Variants in ARHGAP15 observed in about 807,000 individuals in gnomAD.
The protein encoded by ARHGAP15 is Rho GTPase activating protein 15.
Under a neutral mutation model 63.7 loss-of-function variants are expected in ARHGAP15, and 51 were observed. The observed-to-expected ratio is 0.80, with a 90% confidence interval of 0.64 to 1.01. The LOEUF (loss-of-function observed/expected upper bound fraction) is 1.01, where lower values mean the gene tolerates loss of function less well. Among genes scored for constraint, ARHGAP15 ranks in the 50% least tolerant of loss-of-function variants. The probability of loss-of-function intolerance (pLI) is 0.00; values close to 1 mark genes in which losing one functional copy is unlikely to be tolerated. For missense variants in ARHGAP15, 560 were observed against 564.6 expected, an observed-to-expected ratio of 0.99 and a Z score of 0.08; for synonymous variants, 191 against 193.8, an observed-to-expected ratio of 0.99 and a Z score of 0.12.
intron 9 of ARHGAP15, among the ~76,000 whole-genome samples, chr2:143,507,792 A>AC (rs2104949763): frequency 6.6e-6 from 1 of 152,204 alleles, no homozygotes; most frequent in African/African-American, 2.4e-5. Flanking sequence ...ACCTGGGATC[A>AC]CCCCCGCTTT....
chr2:143,479,957 G>T (rs752214843), intron 8 of ARHGAP15, among the ~76,000 whole-genome samples: 12 of 151,974 alleles, frequency 7.9e-5, no homozygotes, highest in Non-Finnish European at 1.2e-4. Context: ...CATTGTGATG[G>T]TATACTTAAT....
intron 12 of ARHGAP15, among the ~76,000 whole-genome samples, chr2:143,670,217 C>A (rs1201921925): frequency 6.6e-6 from 1 of 152,152 alleles, no homozygotes; most frequent in Non-Finnish European, 1.5e-5. Context: ...ATTTCAGCCA[C>A]CTTTATTTAT....
chr2:143,419,543 A>G (rs1688826163), intron 6 of ARHGAP15, among the ~76,000 whole-genome samples: 1 of 152,238 alleles, frequency 6.6e-6, no homozygotes, highest in East Asian at 1.9e-4. Context: ...GTCATTAAAC[A>G]GATGCTTTCA....
At chr2:143,510,490 C>T (rs1196590801) in intron 9 of ARHGAP15, among the ~76,000 whole-genome samples, 1 of 152,234 alleles carries the variant, frequency 6.6e-6, no homozygotes, top group East Asian at 1.9e-4. Flanking sequence ...AGTTAGAAGA[C>T]AGTCGCTTTT....
intron 12 of ARHGAP15, among the ~76,000 whole-genome samples, chr2:143,667,291 A>G (rs1242229004): frequency 1.3e-5 from 2 of 149,806 alleles, no homozygotes; most frequent in East Asian, 3.9e-4. Flanking sequence ...GAAATTGGAA[A>G]TCATCATTCT....
At chr2:143,357,706 TTAA>T (rs1402016785) in intron 6 of ARHGAP15, among the ~76,000 whole-genome samples, 4 of 152,194 alleles carry the variant, frequency 2.6e-5, no homozygotes, top group African/African-American at 9.6e-5. Context: ...ATAGTAAAAA[TTAA>T]TAATAGATTA....
intron 6 of ARHGAP15, among the ~76,000 whole-genome samples, chr2:143,407,675 T>C (rs982439993): frequency 6.6e-6 from 1 of 151,738 alleles, no homozygotes; most frequent in African/African-American, 2.4e-5. Flanking sequence ...CTCTTCAAAA[T>C]CTTTGATTTC....
Position 143,139,467 on chromosome 2 carries a change from C to T in ARHGAP15, c.-15+10001C>T, listed in dbSNP as rs368609225. The stretch of plus-strand genomic sequence containing the variant: ...TTTTATATTGCTATTTCTCTTGCCT[C>T]TTTATTTTGCTTCTTATAAATGTAT... On this transcript the variant is annotated intron_variant, in intron 1 of 13. Transcript: ENST00000295095. 6.6e-5 allele frequency among the ~76,000 whole-genome samples: 10 copies of T among 152,116 alleles called. No individual in the cohort carries two copies. The East Asian group carries it at 1.4e-3, about 21-fold the overall frequency.
chr2:143,499,831 T>C (rs1692974684), intron 9 of ARHGAP15, among the ~76,000 whole-genome samples: 1 of 152,178 alleles, frequency 6.6e-6, no homozygotes, highest in Non-Finnish European at 1.5e-5. Context: ...CTTTGCTTTC[T>C]TATTCTCCTA....
chr2:143,617,826 T>C (rs1698505109), intron 11 of ARHGAP15, among the ~76,000 whole-genome samples: 1 of 152,224 alleles, frequency 6.6e-6, no homozygotes, highest in Non-Finnish European at 1.5e-5. Flanking sequence ...TATATTCACT[T>C]TCTGAGCACC....
chr2:143,430,493 C>T (rs1057374965), intron 6 of ARHGAP15, among the ~76,000 whole-genome samples: 1 of 151,942 alleles, frequency 6.6e-6, no homozygotes, highest in African/African-American at 2.4e-5. Context: ...ACCATGACAA[C>T]CTTCATTTGA....
At chr2:143,643,291 C>A (rs78141710) in intron 12 of ARHGAP15, among the ~76,000 whole-genome samples, 16,009 of 151,992 alleles carry the variant, frequency 0.11, 1,294 homozygotes, top group East Asian at 0.38. Context: ...GACCTGAGTC[C>A]TCTGGGACCC....
At chr2:143,537,009 A>G (rs904831306) in intron 10 of ARHGAP15, among the ~76,000 whole-genome samples, 11 of 151,966 alleles carry the variant, frequency 7.2e-5, no homozygotes, top group South Asian at 2.1e-4. Flanking sequence ...AAGTGTTCCT[A>G]TTTCTCCACA....
chr2:143,585,527 G>A (rs1574666284), intron 11 of ARHGAP15, among the ~76,000 whole-genome samples: 1 of 152,014 alleles, frequency 6.6e-6, no homozygotes, highest in South Asian at 2.1e-4. Context: ...TGCCACAGTG[G>A]TTATTCCTTA....
At position 143,285,791 on chromosome 2, in the gene ARHGAP15, T is replaced by C. The variant is rs528777810; in HGVS notation, c.474+35191T>C. On this transcript the variant is annotated intron_variant, in intron 6 of 13. Coordinates refer to ENST00000295095, the MANE Select transcript of ARHGAP15 (RefSeq NM_018460.4). Reference sequence around the variant, plus strand: ...ATTCCATACAGATGGAATCAGTCCATGAATATATATTGGTATCATTCTTGC... The same window carrying C: ...ATTCCATACAGATGGAATCAGTCCACGAATATATATTGGTATCATTCTTGC... Among the ~76,000 whole-genome samples, 4 of 152,302 alleles carry C rather than the reference T, an allele frequency of 2.6e-5. No homozygotes were observed. The South Asian group carries it at 6.2e-4, about 24-fold the overall frequency.
intron 6 of ARHGAP15, among the ~76,000 whole-genome samples, chr2:143,306,528 T>C (rs771040428): frequency 6.6e-6 from 1 of 152,114 alleles, no homozygotes; most frequent in Non-Finnish European, 1.5e-5. Context: ...TCAAAATAGA[T>C]GATATATGCA....
intron 6 of ARHGAP15, among the ~76,000 whole-genome samples, chr2:143,374,903 A>G (rs1354814629): frequency 2.0e-5 from 3 of 152,216 alleles, no homozygotes. Context: ...TCAGAATTTA[A>G]TGCTGTTAAT....
chr2:143,198,471 A>T (rs1408456214), intron 2 of ARHGAP15, among the ~76,000 whole-genome samples: 1 of 151,966 alleles, frequency 6.6e-6, no homozygotes, highest in Non-Finnish European at 1.5e-5. Context: ...TTAAACTTAA[A>T]TAGCTTTATT....
chr2:143,416,992 C>T (rs928481291), intron 6 of ARHGAP15, among the ~76,000 whole-genome samples: 1 of 152,114 alleles, frequency 6.6e-6, no homozygotes, highest in Admixed American at 6.5e-5. Flanking sequence ...CGTTTTCACT[C>T]TAATAGGGAT....
Sources: gnomAD v4.1 joint callset for allele counts (sites outside exome capture counted in the v4.1 genomes callset) on GRCh38, gnomAD v4.1.1 for gene constraint, MANE v1.5 for transcripts, NCBI Gene and HGNC (gene_info 2026-07-23, HGNC 2026-07-21) for gene names.